The following PPIL2 variants were observed in gnomAD, a reference collection of about 807,000 sequenced individuals.
PPIL2 encodes RING-type E3 ubiquitin-protein ligase PPIL2.
In PPIL2, 50 loss-of-function variants were observed where a neutral mutation model predicts 75.2. The ratio of observed to expected loss-of-function variants is 0.66; its 90% CI spans 0.53 to 0.84. The LOEUF (loss-of-function observed/expected upper bound fraction) is 0.84, where lower values mean the gene tolerates loss of function less well. Among genes scored for constraint, PPIL2 ranks in the 40% least tolerant of loss-of-function variants. The pLI, the probability that PPIL2 is intolerant of heterozygous loss-of-function variation, is 0.00. For synonymous variants in PPIL2, 245 were observed against 258.8 expected, an observed-to-expected ratio of 0.95 and a Z score of 0.51; for missense variants, 590 against 685.0, an observed-to-expected ratio of 0.86 and a Z score of 1.55.
intron 2 of PPIL2, 167 bp from the exon 3 acceptor site, chr22:21,670,399 C>G: frequency 1.4e-6 from 2 of 1,479,656 alleles, no homozygotes; most frequent in Non-Finnish European, 1.8e-6. Context: ...TTGATGTACC[C>G]CAAGTGTTTT....
At chr22:21,684,476 GA>G (rs984067705) in intron 9 of PPIL2, among the ~76,000 whole-genome samples, 46 of 106,984 alleles carry the variant, frequency 4.3e-4, no homozygotes, top group African/African-American at 1.7e-3. Flanking sequence ...AAAAAAAAAA[GA>G]AAAAAAAAGC....
chr22:21,685,805 A>G (rs561124628), intron 10 of PPIL2: 23 of 368,550 alleles, frequency 6.2e-5, no homozygotes, highest in African/African-American at 4.5e-4. Flanking sequence ...AAAAAATAAC[A>G]TTTATTGGGG....
Position 21,697,241 on chromosome 22 carries a change from C to CCAG in PPIL2, c.*1753_*1755dup. The CCAG allele has an allele frequency of 1.9e-6, 1 of 515,996 alleles. No individual in the cohort carries two copies. Among genetic ancestry groups the CCAG allele is most frequent in the East Asian group, 3.5e-5 (1 of 28,398 alleles). 32.0% of individuals were successfully genotyped at this position (515,996 alleles called of 1,614,324 possible). Reference sequence around the variant, plus strand: ...GTCCACACACCTGTAGGCCTCTGAGCCAGCGTCCAGGGTACAGGTGCGGGT... The same window carrying CCAG: ...GTCCACACACCTGTAGGCCTCTGAGCCAGCAGCGTCCAGGGTACAGGTGCGGGT... On this transcript the variant is annotated 3_prime_UTR_variant, in exon 20 of 20. Transcript: ENST00000398831.
intron 15 of PPIL2, among the ~76,000 whole-genome samples, chr22:21,693,230 T>C (rs942782681): frequency 2.0e-5 from 3 of 152,042 alleles, no homozygotes; most frequent in African/African-American, 4.8e-5. Context: ...GTATTTTTAA[T>C]AGGGACAGGG....
intron 7 of PPIL2, 49 bp from the exon 8 acceptor site, chr22:21,682,388 T>G: frequency 6.6e-7 from 1 of 1,524,812 alleles, no homozygotes; most frequent in Non-Finnish European, 9.1e-7. Flanking sequence ...CAGTCCCCTG[T>G]GCCAAGGCTT....
intron 13 of PPIL2, 86 bp downstream of exon 13, chr22:21,687,818 C>A: frequency 1.5e-6 from 2 of 1,363,578 alleles, no homozygotes; most frequent in Admixed American, 1.9e-5. Context: ...CATCCCAGGG[C>A]CCTGGCCCAT....
intron 1 of PPIL2, among the ~76,000 whole-genome samples, chr22:21,666,405 T>C (rs388371): frequency 0.53 from 81,215 of 152,036 alleles, 23,637 homozygotes; most frequent in East Asian, 0.77. Context: ...CCCCCGTCTG[T>C]TCGCGAGTTT....
chr22:21,694,724 CT>C, intron 17 of PPIL2, 30 bp from the exon 18 acceptor site: 1 of 1,611,140 alleles, frequency 6.2e-7, no homozygotes, highest in Non-Finnish European at 8.5e-7. Flanking sequence ...GGGGGAGGAC[CT>C]GCCGTGCACT....
chr22:21,670,687 G>A, intron 3 of PPIL2, 76 bp downstream of exon 3: 1 of 1,459,936 alleles, frequency 6.8e-7, no homozygotes, highest in South Asian at 1.1e-5. Context: ...GCCCCTTGTG[G>A]ATGTGGGGTT....
At chr22:21,688,289 G>A (rs1188701975) in intron 14 of PPIL2, among the ~76,000 whole-genome samples, 183 bp downstream of exon 14, 1 of 152,200 alleles carries the variant, frequency 6.6e-6, no homozygotes, top group African/African-American at 2.4e-5. Flanking sequence ...TTTCCAGGTG[G>A]CTGTGAGGCC....
At chr22:21,668,714 ATTT>A (rs145174874) in intron 1 of PPIL2, among the ~76,000 whole-genome samples, 4 of 130,806 alleles carry the variant, frequency 3.1e-5, no homozygotes, top group Admixed American at 7.6e-5. Context: ...ATAAGATACC[ATTT>A]TTTTTTTTTT....
chr22:21,694,854 G>C, intron 18 of PPIL2, 37 bp downstream of exon 18: 1 of 1,590,766 alleles, frequency 6.3e-7, no homozygotes, highest in East Asian at 2.2e-5. Context: ...GGAGGGTCTG[G>C]GCTAGTGCAC....
At position 21,696,772 on chromosome 22, in the gene PPIL2, T is replaced by G; in HGVS notation, c.*1282T>G. On this transcript the variant is annotated 3_prime_UTR_variant, in exon 20 of 20. Transcript: ENST00000398831. ...CAACTTGCAGGCTGTACCTCTGCCC[T>G]TCCTTTTCTCATCAATCACTGATGC... is the stretch of plus-strand genomic sequence containing the variant. 1 of 1,545,820 alleles carries G rather than the reference T, an allele frequency of 6.5e-7. No individual in the cohort carries two copies. The highest frequency in any genetic ancestry group is 1.2e-5 in the South Asian group (1 of 84,064).
At chr22:21,686,350 C>T in intron 10 of PPIL2, 133 bp from the exon 11 acceptor site, 1 of 820,462 alleles carries the variant, frequency 1.2e-6, no homozygotes, top group Non-Finnish European at 2.0e-6. Flanking sequence ...TGGGGAGGCC[C>T]TCCTGGAGGA....
chr22:21,693,776 G>A (rs551539395), intron 15 of PPIL2, 40 bp from the exon 16 acceptor site: 1 of 1,520,238 alleles, frequency 6.6e-7, no homozygotes, highest in South Asian at 1.1e-5. Flanking sequence ...AGGTGCAGAA[G>A]GTGCCATGCT....
chr22:21,694,512 T>A (rs1335264005), intron 16 of PPIL2, 81 bp from the exon 17 acceptor site: 1 of 1,514,808 alleles, frequency 6.6e-7, no homozygotes, highest in East Asian at 2.3e-5. Flanking sequence ...TCTCAACCCC[T>A]CTTCCCACGT....
intron 9 of PPIL2, among the ~76,000 whole-genome samples, chr22:21,683,841 A>G (rs1166802023): frequency 1.3e-5 from 2 of 152,330 alleles, no homozygotes; most frequent in Admixed American, 6.5e-5. Context: ...AGTCGGCAAG[A>G]ATGGGTGATT....
At chr22:21,684,454 C>CAAAAAAAAAAAAAAAA (rs1028354500) in intron 9 of PPIL2, among the ~76,000 whole-genome samples, 13 of 47,508 alleles carry the variant, frequency 2.7e-4, no homozygotes, top group East Asian at 6.5e-4. Flanking sequence ...TCCATCTCCA[C>CAAAAAAAAAAAAAAAA]AAAAAAAAAA....
chr22:21,692,353 A>T (rs375356077), intron 15 of PPIL2, among the ~76,000 whole-genome samples: 3 of 150,920 alleles, frequency 2.0e-5, no homozygotes, highest in Non-Finnish European at 3.0e-5. Context: ...ATGGGGTTTC[A>T]CCGTGTTAGC....
Sources: allele counts gnomAD v4.1 joint callset (sites outside exome capture counted in the v4.1 genomes callset), GRCh38; gene constraint gnomAD v4.1.1; transcripts MANE v1.5; gene names NCBI Gene and HGNC (gene_info 2026-07-23, HGNC 2026-07-21).